NKAIN1: variants seen among roughly 807,000 people sequenced by gnomAD.
The protein encoded by NKAIN1 is sodium/potassium transporting ATPase interacting 1, also known as sodium/potassium-transporting ATPase subunit beta-1-interacting protein 1.
A neutral mutation model predicts 31.6 loss-of-function variants in NKAIN1; 13 were observed. The ratio of observed to expected loss-of-function variants is 0.41; its 90% CI spans 0.27 to 0.65. The LOEUF (loss-of-function observed/expected upper bound fraction) is 0.65, where lower values mean the gene tolerates loss of function less well. Ranked by LOEUF, NKAIN1 falls within the 30% of genes least tolerant of loss-of-function variation. The pLI is 0.30. For missense variants in NKAIN1, 193 were observed against 262.2 expected, an observed-to-expected ratio of 0.74 and a Z score of 1.82; for synonymous variants, 104 against 109.0, an observed-to-expected ratio of 0.95 and a Z score of 0.28.
At chr1:31,204,942 C>T (rs1199274772) in intron 1 of NKAIN1, among the ~76,000 whole-genome samples, 4 of 152,202 alleles carry the variant, frequency 2.6e-5, no homozygotes, top group Admixed American at 6.6e-5. Context: ...GCTCTGCACT[C>T]GGGCAGGCCT....
intron 1 of NKAIN1, among the ~76,000 whole-genome samples, chr1:31,219,663 C>T (rs774363513): frequency 9.2e-5 from 14 of 152,238 alleles, no homozygotes; most frequent in Non-Finnish European, 1.8e-4. Flanking sequence ...TGTGAGCAAA[C>T]TCGTAAATCA....
rs956820396 is a variant in NKAIN1, at chr1:31,209,375, C to CAAACA, written c.55-21193_55-21189dup. Among the ~76,000 whole-genome samples, 10 of 151,946 alleles carry CAAACA rather than the reference C, an allele frequency of 6.6e-5. No individual in the cohort carries two copies. The East Asian group carries it at 7.8e-4, about 12-fold the overall frequency. On this transcript the variant is annotated intron_variant, in intron 1 of 6. Transcript: ENST00000373736. ...GGGTAACAAGAGCAAAACTCCATCT[C>CAAACA]AAACAAAACAAAACAAAACAAAAAA...
At chr1:31,188,279 TA>T (rs1209525802) in intron 1 of NKAIN1, 92 bp from the exon 2 acceptor site, 2 of 1,401,618 alleles carry the variant, frequency 1.4e-6, no homozygotes, top group African/African-American at 2.9e-5. Flanking sequence ...TGGCACCAGT[TA>T]CCATGGTGAT....
chr1:31,190,759 G>A (rs926330663), intron 1 of NKAIN1, among the ~76,000 whole-genome samples: 2 of 152,110 alleles, frequency 1.3e-5, no homozygotes, highest in African/African-American at 4.8e-5. Flanking sequence ...GCTTGTCCAG[G>A]GGCCTCTGCC....
chr1:31,181,898 G>A lies in NKAIN1; in HGVS notation c.576C>T (p.Pro192=). ...GGFDSYGYQA[P]QKTSHLQLQP... ...GCAGCTGTAAATGCGACGTCTTCTGGGGCGCCTGGTATCCGTAGGAGTCAA... is the reference window on the plus strand; with the variant it reads ...GCAGCTGTAAATGCGACGTCTTCTGAGGCGCCTGGTATCCGTAGGAGTCAA... Residue 192 remains proline, a synonymous_variant, in exon 6 of 7, where the codon CCC becomes CCT. Coordinates refer to ENST00000373736, the MANE Select transcript of NKAIN1 (RefSeq NM_024522.3). 1 of 1,608,370 alleles carries A rather than the reference G, an allele frequency of 6.2e-7. No individual in the cohort carries two copies. Among genetic ancestry groups the A allele is most frequent in the Non-Finnish European group, 8.5e-7 (1 of 1,178,110 alleles).
Position 31,239,887 on chromosome 1 carries a change from T to C in NKAIN1, c.-340A>G, listed in dbSNP as rs955024679. Among the ~76,000 whole-genome samples the C allele has an allele frequency of 6.6e-6, 1 of 151,896 alleles. No homozygotes were observed. The highest frequency in any genetic ancestry group is 2.4e-5 in the African/African-American group (1 of 41,400). On this transcript the variant is annotated 5_prime_UTR_variant, in exon 1 of 7. Transcript: ENST00000373736. The surrounding 1 kb of genome is among the most constrained non-coding windows in gnomAD (Gnocchi z 4.8). ...AGCGCGGCGCAGCGCAGAGCAGCAC[T>C]GCCCAGCTGGGGCAGTCGCCCGGGC...
intron 1 of NKAIN1, among the ~76,000 whole-genome samples, chr1:31,234,284 C>A (rs969232776): frequency 6.6e-6 from 1 of 152,196 alleles, no homozygotes; most frequent in Admixed American, 6.5e-5. Context: ...CAGACCCTCC[C>A]GAGGAAGCCG....
At chr1:31,182,012 G>A (rs1645205769) in intron 5 of NKAIN1, 71 bp from the exon 6 acceptor site, 1 of 1,452,756 alleles carries the variant, frequency 6.9e-7, no homozygotes, top group Admixed American at 2.0e-5. Flanking sequence ...GGTCCTGAAG[G>A]GGAAGAATCT....
intron 1 of NKAIN1, among the ~76,000 whole-genome samples, chr1:31,210,997 G>C (rs1254147237): frequency 6.6e-6 from 1 of 152,152 alleles, no homozygotes; most frequent in South Asian, 2.1e-4. Flanking sequence ...GAAAGAGAAG[G>C]GAACTTCCTC....
At chr1:31,182,434 T>C in intron 5 of NKAIN1, 96 bp downstream of exon 5, 1 of 1,423,708 alleles carries the variant, frequency 7.0e-7, no homozygotes, top group East Asian at 2.3e-5. Context: ...TGGCCGACCC[T>C]GGGCTCCCTC....
chr1:31,181,542 A>G lies in NKAIN1; in HGVS notation c.*161T>C, dbSNP rs1362027063. On this transcript the variant is annotated 3_prime_UTR_variant, in exon 7 of 7. Transcript: ENST00000373736. ...AAGCTCAAATCCAAGTCCAAGTCCA[A>G]GTCCACGTCCAAGTCCGCATCTCCA... is the stretch of plus-strand genomic sequence containing the variant. 7 of 601,524 alleles carry G rather than the reference A, an allele frequency of 1.2e-5. No homozygotes were observed. Among genetic ancestry groups the G allele is most frequent in the African/African-American group, 1.9e-5 (1 of 51,590 alleles). 37.3% of individuals were successfully genotyped at this position (601,524 alleles called of 1,614,324 possible). A position where few individuals can be genotyped will look rare whatever the true frequency, so the allele number is the denominator to read the frequency against.
intron 1 of NKAIN1, among the ~76,000 whole-genome samples, chr1:31,210,642 G>T (rs10737356): frequency 0.67 from 101,859 of 151,714 alleles, 35,065 homozygotes; most frequent in Middle Eastern, 0.86. Flanking sequence ...AAACCTAACA[G>T]TAGGTCACTC....
At chr1:31,223,284 G>A (rs1645577432) in intron 1 of NKAIN1, among the ~76,000 whole-genome samples, 1 of 149,562 alleles carries the variant, frequency 6.7e-6, no homozygotes, top group African/African-American at 2.5e-5. Flanking sequence ...GCTGAGGCAG[G>A]AGAATTGCTT....
intron 1 of NKAIN1, among the ~76,000 whole-genome samples, chr1:31,235,555 G>A (rs1489617980): frequency 6.6e-6 from 1 of 152,076 alleles, no homozygotes; most frequent in East Asian, 1.9e-4. Context: ...AAGGTCACTT[G>A]AGCTCAGGAA....
chr1:31,183,317 C>T (rs1319897270), intron 4 of NKAIN1, among the ~76,000 whole-genome samples: 1 of 152,068 alleles, frequency 6.6e-6, no homozygotes, highest in Non-Finnish European at 1.5e-5. Flanking sequence ...CCTCATCCTA[C>T]TCACTAAACC....
chr1:31,183,654 G>A (rs1301520040), intron 4 of NKAIN1, among the ~76,000 whole-genome samples, 163 bp downstream of exon 4: 1 of 151,938 alleles, frequency 6.6e-6, no homozygotes, highest in Admixed American at 6.6e-5. Context: ...CTCCATGTTG[G>A]TCAGTCTGGT....
intron 1 of NKAIN1, among the ~76,000 whole-genome samples, chr1:31,230,049 C>G (rs1454347092): frequency 6.6e-6 from 1 of 152,052 alleles, no homozygotes; most frequent in Non-Finnish European, 1.5e-5. Context: ...AAGAGAAGAC[C>G]ACGGTCCAGC....
At chr1:31,235,516 G>A (rs1645687490) in intron 1 of NKAIN1, among the ~76,000 whole-genome samples, 1 of 152,096 alleles carries the variant, frequency 6.6e-6, no homozygotes, top group Admixed American at 6.6e-5. Flanking sequence ...GGGATTTGAG[G>A]CTGCAGCTAT....
intron 1 of NKAIN1, among the ~76,000 whole-genome samples, chr1:31,206,611 A>G (rs1281839177): frequency 6.6e-6 from 1 of 151,292 alleles, no homozygotes; most frequent in Non-Finnish European, 1.5e-5. Flanking sequence ...AATTTTTTGT[A>G]TTTTTGGTGG....
Sources: gnomAD v4.1 joint callset for allele counts (sites outside exome capture counted in the v4.1 genomes callset) on GRCh38, gnomAD v4.1.1 for gene constraint, Gnocchi (gnomAD v3.1) non-coding constraint, MANE v1.5 for transcripts, NCBI Gene and HGNC (gene_info 2026-07-23, HGNC 2026-07-21) for gene names.